GPBP1L1: variants seen among roughly 807,000 people sequenced by gnomAD.
GPBP1L1 encodes vasculin-like protein 1.
A neutral mutation model predicts 52.5 loss-of-function variants in GPBP1L1; 23 were observed. That is an observed-to-expected ratio of 0.44 (90% CI 0.32 to 0.62). The LOEUF is 0.62. Ranked by LOEUF, GPBP1L1 falls within the 20% of genes least tolerant of loss-of-function variation. The pLI is 0.06. For missense variants in GPBP1L1, 596 were observed against 579.3 expected, an observed-to-expected ratio of 1.03 and a Z score of -0.30; for synonymous variants, 243 against 203.1, an observed-to-expected ratio of 1.20 and a Z score of -1.67.
rs868048513 is a variant in GPBP1L1 at position 45,684,941 on chromosome 1, C to T, written c.-1098+635G>A. Among the ~76,000 whole-genome samples the T allele has an allele frequency of 2.8e-4, 42 of 152,260 alleles. 1 individual carries two copies. In the Middle Eastern group the frequency reaches 0.034, roughly 123 times the overall value. Reference sequence around the variant, plus strand: ...CTATTAATTTCAAAGTTCTCATTCACAATTAGCATTTCACTCTTTTATCTT... The same window carrying T: ...CTATTAATTTCAAAGTTCTCATTCATAATTAGCATTTCACTCTTTTATCTT... On this transcript the variant is annotated intron_variant, in intron 2 of 12. Transcript: ENST00000355105.
intron 2 of GPBP1L1, among the ~76,000 whole-genome samples, chr1:45,682,988 G>A (rs1182497433): frequency 2.6e-5 from 4 of 151,772 alleles, no homozygotes; most frequent in East Asian, 1.9e-4. Context: ...AGCCACTTAG[G>A]GGGTATGTTA....
rs142063888 is a variant in GPBP1L1, at chr1:45,629,151, G to A, written c.1272+425C>T. On this transcript the variant is annotated intron_variant, in intron 12 of 12. Transcript: ENST00000355105. ...TGTTTTATTCAGAGAAAGAATCCAA[G>A]CAACTGCTGGATAAACTGACACAAG... Among the ~76,000 whole-genome samples the A allele has an allele frequency of 1.8e-4, 27 of 152,280 alleles. No individual in the cohort carries two copies. In the East Asian group the frequency reaches 4.2e-3, roughly 24 times the overall value.
intron 6 of GPBP1L1, chr1:45,651,950 T>TC (rs1644824342): frequency 6.1e-6 from 1 of 162,612 alleles, no homozygotes; most frequent in Admixed American, 6.4e-5. Context: ...GAATTTCCAT[T>TC]AACAGAAAAA....
intron 6 of GPBP1L1, among the ~76,000 whole-genome samples, chr1:45,653,126 G>A (rs1236618368): frequency 6.6e-6 from 1 of 152,150 alleles, no homozygotes; most frequent in East Asian, 1.9e-4. Context: ...AAGGACCCCA[G>A]GTCACTTCCT....
chr1:45,654,566 A>G lies in GPBP1L1; in HGVS notation c.454T>C (p.Leu152=), dbSNP rs1644859503. The G allele has an allele frequency of 1.9e-6, 3 of 1,611,348 alleles. No homozygotes were observed. Among genetic ancestry groups the G allele is most frequent in the Non-Finnish European group, 2.5e-6 (3 of 1,177,704 alleles). ...ACAAAGTCCTCCTCTTCAAACTGCA[A>G]CTTTTCCACCTTGTCTTCTTTCTTT... The part of the protein sequence containing the change: ...EEKKEDKVEK[L]QFEEEDFPSL... Residue 152 remains leucine, a synonymous_variant, in exon 6 of 13, where the codon TTG becomes CTG. Coordinates refer to ENST00000355105, the MANE Select transcript of GPBP1L1 (RefSeq NM_021639.5).
At chr1:45,656,915 C>A (rs1277849870) in intron 4 of GPBP1L1, among the ~76,000 whole-genome samples, 1 of 152,018 alleles carries the variant, frequency 6.6e-6, no homozygotes, top group Admixed American at 6.6e-5. Context: ...AAACTCCTGG[C>A]TTTCAAGCAA....
At chr1:45,681,869 C>G (rs910061215) in intron 2 of GPBP1L1, among the ~76,000 whole-genome samples, 1 of 152,216 alleles carries the variant, frequency 6.6e-6, no homozygotes, top group African/African-American at 2.4e-5. Context: ...CATACTATGC[C>G]ATTTCTCTGT....
chr1:45,686,001 T>A (rs1434571738), intron 1 of GPBP1L1, among the ~76,000 whole-genome samples: 5 of 152,034 alleles, frequency 3.3e-5, no homozygotes, highest in African/African-American at 1.2e-4. Flanking sequence ...CTCCTTAGGT[T>A]TTCCTTTGAA....
chr1:45,665,025 A>T (rs915781594), intron 2 of GPBP1L1, among the ~76,000 whole-genome samples: 3 of 152,032 alleles, frequency 2.0e-5, no homozygotes, highest in Non-Finnish European at 4.4e-5. Flanking sequence ...GTGGTGGCTC[A>T]CACCTGTAAT....
intron 2 of GPBP1L1, among the ~76,000 whole-genome samples, chr1:45,661,671 G>A (rs1644948675): frequency 6.6e-6 from 1 of 152,112 alleles, no homozygotes; most frequent in Non-Finnish European, 1.5e-5. Flanking sequence ...TGTCCAGGCT[G>A]GTCTCGAACT....
intron 2 of GPBP1L1, among the ~76,000 whole-genome samples, chr1:45,669,627 C>A (rs374657627): frequency 2.6e-5 from 4 of 151,042 alleles, no homozygotes; most frequent in African/African-American, 9.8e-5. Context: ...ACCCCCCCTC[C>A]AACCCCCTGC....
intron 8 of GPBP1L1, among the ~76,000 whole-genome samples, chr1:45,639,807 G>A (rs1416802572): frequency 5.9e-5 from 9 of 152,112 alleles, no homozygotes; most frequent in Non-Finnish European, 1.3e-4. Context: ...GAACCCAGGA[G>A]GTGGAGCTTG....
chr1:45,648,700 C>T (rs1459962713), intron 6 of GPBP1L1, among the ~76,000 whole-genome samples: 1 of 152,194 alleles, frequency 6.6e-6, no homozygotes, highest in Non-Finnish European at 1.5e-5. Context: ...TTCCTCAACT[C>T]TACTTGCTTT....
intron 6 of GPBP1L1, 131 bp downstream of exon 6, chr1:45,654,411 TA>T: frequency 2.1e-6 from 2 of 940,502 alleles, no homozygotes; most frequent in Non-Finnish European, 3.1e-6. Context: ...TTCTTTCCTC[TA>T]AAACAATAAA....
At chr1:45,667,894 T>C (rs1011301711) in intron 2 of GPBP1L1, among the ~76,000 whole-genome samples, 1 of 152,116 alleles carries the variant, frequency 6.6e-6, no homozygotes, top group African/African-American at 2.4e-5. Context: ...ATTACAGGCA[T>C]GTGTGACCTG....
chr1:45,651,816 C>G (rs1479913617), intron 6 of GPBP1L1: 1 of 274,260 alleles, frequency 3.6e-6, no homozygotes, highest in Admixed American at 5.3e-5. Flanking sequence ...GCCCTTCTTT[C>G]CTTTCGGCAT....
chr1:45,643,658 C>CTTTTTTTTTTTTT (rs113388167), intron 6 of GPBP1L1, among the ~76,000 whole-genome samples: 1 of 65,142 alleles, frequency 1.5e-5, no homozygotes, highest in African/African-American at 6.4e-5. Flanking sequence ...AGGAGAATGG[C>CTTTTTTTTTTTTT]TTTTTTTTTT....
At chr1:45,676,670 A>C (rs1047097922) in intron 2 of GPBP1L1, among the ~76,000 whole-genome samples, 1 of 148,790 alleles carries the variant, frequency 6.7e-6, no homozygotes, top group East Asian at 2.0e-4. Context: ...AGACTGCACC[A>C]CTGCATTCCA....
At chr1:45,685,284 G>A (rs1001821336) in intron 2 of GPBP1L1, among the ~76,000 whole-genome samples, 35 of 152,148 alleles carry the variant, frequency 2.3e-4, no homozygotes, top group African/African-American at 7.2e-4. Flanking sequence ...GTCTAATGAG[G>A]AGTGACTACC....
Sources: gnomAD v4.1 joint callset for allele counts (sites outside exome capture counted in the v4.1 genomes callset) on GRCh38, gnomAD v4.1.1 for gene constraint, MANE v1.5 for transcripts, NCBI Gene and HGNC (gene_info 2026-07-23, HGNC 2026-07-21) for gene names.